Variants in CGGBP1 observed in about 807,000 individuals in gnomAD.
CGGBP1 encodes the protein CGG triplet repeat binding protein 1, also known as CGG triplet repeat-binding protein 1.
A neutral mutation model predicts 11.4 loss-of-function variants in CGGBP1; 4 were observed. The observed-to-expected ratio is 0.35, with a 90% confidence interval of 0.17 to 0.80. The LOEUF (loss-of-function observed/expected upper bound fraction) is 0.80. Ranked by LOEUF, CGGBP1 falls within the 30% of genes least tolerant of loss-of-function variation. CGGBP1 has a pLI of 0.52. For missense variants in CGGBP1, 135 were observed against 202.1 expected (o/e 0.67, Z 2.01); for synonymous variants, 76 against 74.1 (o/e 1.03, Z -0.13).
At chr3:88,074,486 C>T (rs1190378549) in intron 2 of CGGBP1, among the ~76,000 whole-genome samples, 1 of 152,006 alleles carries the variant, frequency 6.6e-6, no homozygotes, top group East Asian at 1.9e-4. Flanking sequence ...GGATTACAGG[C>T]ATCTGCCTCC....
In CGGBP1 at chr3:88,127,281, G is replaced by A. The variant is rs142302764; in HGVS notation, c.-229+13689C>T. Among the ~76,000 whole-genome samples, 1,187 of 152,224 alleles carry A rather than the reference G, an allele frequency of 7.8e-3. 22 individuals are homozygous for A. Among genetic ancestry groups the A allele is most frequent in the African/African-American group, 0.027 (1,132 of 41,538 alleles). ...ATTTCTGTTAGTCACAGGCTAAGGG[G>A]TTAGGGTGGGTTGTGAATGCAGTTA... On this transcript the variant is annotated intron_variant, in intron 2 of 3. Transcript: ENST00000462901.
chr3:88,142,359 G>A (rs960400053), intron 1 of CGGBP1: 19 of 152,022 alleles, frequency 1.2e-4, no homozygotes, highest in African/African-American at 4.1e-4. Context: ...CCACTTTTGT[G>A]GTACAAATTA....
intron 2 of CGGBP1, among the ~76,000 whole-genome samples, chr3:88,084,888 C>G (rs1320370693): frequency 6.6e-6 from 1 of 152,174 alleles, no homozygotes; most frequent in African/African-American, 2.4e-5. Flanking sequence ...TGAGGAACCT[C>G]AAGTTTAAGG....
intron 2 of CGGBP1, among the ~76,000 whole-genome samples, chr3:88,090,553 A>G (rs1050403788): frequency 6.6e-6 from 1 of 152,198 alleles, no homozygotes. Context: ...TAATAAGGCT[A>G]ATTTATTATT....
upstream of CGGBP1, among the ~76,000 whole-genome samples, chr3:88,062,178 C>T (rs926359273): frequency 1.3e-5 from 2 of 152,138 alleles, no homozygotes; most frequent in African/African-American, 4.8e-5. Context: ...ACTTAATTTG[C>T]TTTGAGGATG....
At chr3:88,103,469 G>C (rs1377766464) in intron 2 of CGGBP1, among the ~76,000 whole-genome samples, 2 of 152,150 alleles carry the variant, frequency 1.3e-5, no homozygotes, top group Admixed American at 1.3e-4. Flanking sequence ...AGAACAGAGT[G>C]TCTAAGAATT....
intron 2 of CGGBP1, among the ~76,000 whole-genome samples, chr3:88,131,731 G>T (rs1284794565): frequency 6.6e-6 from 1 of 152,016 alleles, no homozygotes; most frequent in African/African-American, 2.4e-5. Flanking sequence ...AATAGCGTGG[G>T]TTATGATGGC....
intron 2 of CGGBP1, among the ~76,000 whole-genome samples, chr3:88,086,905 C>T (rs1445201601): frequency 3.3e-5 from 5 of 152,250 alleles, no homozygotes; most frequent in East Asian, 1.9e-4. Context: ...GCCTCAGCCT[C>T]CCAAGTAGCT....
intron 2 of CGGBP1, among the ~76,000 whole-genome samples, chr3:88,101,647 G>A (rs1437510809): frequency 6.6e-6 from 1 of 152,022 alleles, no homozygotes; most frequent in Non-Finnish European, 1.5e-5. Context: ...TTCTGTATGT[G>A]TCTTATGTGG....
At chr3:88,102,271 A>C (rs2107721757) in intron 2 of CGGBP1, among the ~76,000 whole-genome samples, 1 of 152,264 alleles carries the variant, frequency 6.6e-6, no homozygotes, top group South Asian at 2.1e-4. Context: ...TTTAGAAACC[A>C]CTATTGTGTT....
chr3:88,072,757 A>T (rs1707588537), intron 2 of CGGBP1, among the ~76,000 whole-genome samples: 1 of 152,172 alleles, frequency 6.6e-6, no homozygotes, highest in Admixed American at 6.5e-5. Flanking sequence ...CCTCCACAAA[A>T]AAATGAAAGC....
exon 2 of CGGBP1, chr3:88,141,052 A>G (rs1707095183): frequency 5.7e-6 from 9 of 1,585,418 alleles, no homozygotes; most frequent in Non-Finnish European, 7.7e-6. Context: ...GATGAAAGTA[A>G]GTCTTCTGTC....
At chr3:88,090,165 T>G (rs550235264) in intron 2 of CGGBP1, among the ~76,000 whole-genome samples, 12 of 152,200 alleles carry the variant, frequency 7.9e-5, no homozygotes, top group Non-Finnish European at 1.2e-4. Context: ...AAAAAAAGGT[T>G]AACTGTAAAA....
chr3:88,086,481 A>T (rs1708340753), intron 2 of CGGBP1: 1 of 1,221,834 alleles, frequency 8.2e-7, no homozygotes, highest in African/African-American at 1.5e-5. Flanking sequence ...TTTCTTCTGA[A>T]GAAGAAACCT....
intron 2 of CGGBP1, among the ~76,000 whole-genome samples, chr3:88,098,122 G>C (rs916434648): frequency 8.6e-5 from 13 of 151,974 alleles, no homozygotes; most frequent in Non-Finnish European, 1.3e-4. Flanking sequence ...GAATCAAATA[G>C]ATGCAATAAA....
chr3:88,059,163 G>C (rs984951566), upstream of CGGBP1: 2 of 1,375,358 alleles, frequency 1.5e-6, no homozygotes, highest in Non-Finnish European at 1.9e-6. Context: ...GGGGGCGTGG[G>C]TGGGCGGAGC....
In CGGBP1 at chr3:88,054,439, G is replaced by A. The variant is rs1271709058; in HGVS notation, c.*1034C>T. 6.6e-6 allele frequency: 1 copy of A among 152,120 alleles called. No individual in the cohort carries two copies. The highest frequency in any genetic ancestry group is 2.4e-5 in the African/African-American group (1 of 41,436). 9.4% of individuals were successfully genotyped at this position (152,120 alleles called of 1,614,324 possible). ...TACAAAAAACCTGCCAGAATTTCTA[G>A]ACAATTGTTTACCATCCATGTTAAA... On this transcript the variant is annotated 3_prime_UTR_variant, in exon 4 of 4. Transcript: ENST00000482016.
chr3:88,064,071 G>A (rs1386923938), intron 2 of CGGBP1, among the ~76,000 whole-genome samples: 1 of 149,968 alleles, frequency 6.7e-6, no homozygotes, highest in Non-Finnish European at 1.5e-5. Context: ...CAGTATGGAA[G>A]AAAACAAGAA....
At chr3:88,128,800 T>A in intron 2 of CGGBP1, 1 of 1,525,146 alleles carries the variant, frequency 6.6e-7, no homozygotes, top group Non-Finnish European at 8.8e-7. Context: ...TGTTTTCTTT[T>A]TAATATAGTG....
Sources: allele counts gnomAD v4.1 joint callset (sites outside exome capture counted in the v4.1 genomes callset), GRCh38; gene constraint gnomAD v4.1.1; transcripts MANE v1.5; gene names NCBI Gene and HGNC (gene_info 2026-07-23, HGNC 2026-07-21).